MIGA1: variants seen among roughly 807,000 people sequenced by gnomAD.
MIGA1 encodes mitoguardin 1, also known as family with sequence similarity 73, member A.
MIGA1 carries 58 observed loss-of-function variants against 82.0 expected under a neutral mutation model. The ratio of observed to expected loss-of-function variants is 0.71; its 90% CI spans 0.57 to 0.88. MIGA1 has a LOEUF of 0.88. Ranked by LOEUF, MIGA1 falls within the 40% of genes least tolerant of loss-of-function variation. The pLI is 0.00. For missense variants in MIGA1, 751 were observed against 749.1 expected, an observed-to-expected ratio of 1.00 and a Z score of -0.03; for synonymous variants, 249 against 253.6, an observed-to-expected ratio of 0.98 and a Z score of 0.17.
chr1:77,870,978 C>G (rs1265997210), intron 14 of MIGA1, among the ~76,000 whole-genome samples: 3 of 150,460 alleles, frequency 2.0e-5, no homozygotes, highest in South Asian at 2.1e-4. Flanking sequence ...CGCAGGCACT[C>G]GGCAGGCTGA....
At position 77,803,299 on chromosome 1, in the gene MIGA1, T is replaced by C; in HGVS notation, c.403T>C (p.Leu135=). Reference sequence around the variant, plus strand: ...AAGTTGTTCCAGTAGCAGACAGAATTTGACATTATCTTTAAGTTCTACCAA... The same window carrying C: ...AAGTTGTTCCAGTAGCAGACAGAATCTGACATTATCTTTAAGTTCTACCAA... The change falls in exon 4 of 16, where the codon TTG becomes CTG. Residue 135 remains leucine, a synonymous_variant. Coordinates refer to ENST00000370791, the MANE Select transcript of MIGA1 (RefSeq NM_198549.4). 1 of 1,542,498 alleles carries C rather than the reference T, an allele frequency of 6.5e-7. No individual in the cohort carries two copies. Among genetic ancestry groups the C allele is most frequent in the South Asian group, 1.3e-5 (1 of 77,706 alleles).
intron 4 of MIGA1, among the ~76,000 whole-genome samples, chr1:77,806,181 C>T (rs894009689): frequency 1.3e-5 from 2 of 152,148 alleles, no homozygotes; most frequent in African/African-American, 2.4e-5. Flanking sequence ...TGCTCCTAGG[C>T]TACAAACCTG....
intron 2 of MIGA1, among the ~76,000 whole-genome samples, chr1:77,792,471 A>G (rs994579804): frequency 6.6e-6 from 1 of 152,220 alleles, no homozygotes; most frequent in African/African-American, 2.4e-5. Flanking sequence ...AGAGGGGAGC[A>G]GAGTTCAAAG....
chr1:77,787,793 C>CA lies in MIGA1; in HGVS notation c.195+4444dup, dbSNP rs997597962. The stretch of plus-strand genomic sequence containing the variant: ...GTTATATGATTTCCATATATTTCTC[C>CA]AATTCTGTGAATTACTTTTCTTTTC... On this transcript the variant is annotated intron_variant, in intron 2 of 15. Transcript: ENST00000370791. Among the ~76,000 whole-genome samples the CA allele has an allele frequency of 4.0e-5, 6 of 151,276 alleles. No homozygotes were observed. In the East Asian group the frequency reaches 1.2e-3, roughly 29 times the overall value.
intron 7 of MIGA1, among the ~76,000 whole-genome samples, chr1:77,837,395 G>A (rs1444100642): frequency 2.0e-5 from 3 of 152,076 alleles, no homozygotes; most frequent in Non-Finnish European, 4.4e-5. Flanking sequence ...GTAGTTTATA[G>A]CATAGCATCT....
At chr1:77,835,523 A>G (rs1684392997) in intron 7 of MIGA1, among the ~76,000 whole-genome samples, 2 of 152,242 alleles carry the variant, frequency 1.3e-5, no homozygotes, top group South Asian at 4.1e-4. Context: ...TGTACAATCA[A>G]CCAGTTTGGG....
Position 77,842,069 on chromosome 1 carries a change from A to C in MIGA1, c.896-1238A>C, listed in dbSNP as rs560067024. Among the ~76,000 whole-genome samples, 3 of 151,860 alleles carry C rather than the reference A, an allele frequency of 2.0e-5. No individual in the cohort carries two copies. The South Asian group carries it at 6.3e-4, about 32-fold the overall frequency. On this transcript the variant is annotated intron_variant, in intron 7 of 15. Coordinates refer to ENST00000370791, the MANE Select transcript of MIGA1 (RefSeq NM_198549.4). The stretch of plus-strand genomic sequence containing the variant: ...AAGCACGGGGATGATTACAGGCATG[A>C]GCTACCTCAGCCAGCTGGTTTCATT...
intron 3 of MIGA1, among the ~76,000 whole-genome samples, chr1:77,802,989 G>C (rs1444854384): frequency 5.9e-5 from 9 of 151,968 alleles, no homozygotes; most frequent in Non-Finnish European, 1.3e-4. Context: ...TTTTTATACT[G>C]GTTACAATAG....
Position 77,859,112 on chromosome 1 carries a change from C to T in MIGA1, c.1115+56C>T, listed in dbSNP as rs775351493. On this transcript the variant is annotated intron_variant, in intron 9 of 15. Transcript: ENST00000370791. Reference sequence around the variant, plus strand: ...AGGATATTAAGGTGTTTGTGTGGTACTTACTAAAAATGTTTATGAAAATAG... The same window carrying T: ...AGGATATTAAGGTGTTTGTGTGGTATTTACTAAAAATGTTTATGAAAATAG... 6.1e-6 allele frequency: 7 copies of T among 1,146,898 alleles called. No individual in the cohort carries two copies. The South Asian group carries it at 6.4e-5, about 10-fold the overall frequency. The allele number at this position is 1,146,898 out of a possible 1,614,324, so 71.0% of individuals were successfully genotyped here. A position where few individuals can be genotyped will look rare whatever the true frequency, so the allele number is the denominator to read the frequency against.
At chr1:77,857,324 T>G (rs74683263) in intron 8 of MIGA1, among the ~76,000 whole-genome samples, 1 of 17,058 alleles carries the variant, frequency 5.9e-5, no homozygotes, top group East Asian at 3.6e-3. Context: ...GTACTTTGGT[T>G]TTTTTTTTTT....
intron 7 of MIGA1, among the ~76,000 whole-genome samples, chr1:77,823,669 A>G (rs1203780855): frequency 1.3e-5 from 2 of 152,216 alleles, no homozygotes; most frequent in Non-Finnish European, 2.9e-5. Context: ...GGCTCAAGCA[A>G]TCCCCCTGCC....
At chr1:77,815,963 A>G (rs1445183974) in intron 7 of MIGA1, among the ~76,000 whole-genome samples, 1 of 152,068 alleles carries the variant, frequency 6.6e-6, no homozygotes, top group Non-Finnish European at 1.5e-5. Flanking sequence ...TTTTTGAGGC[A>G]GAGTTTCACT....
intron 8 of MIGA1, among the ~76,000 whole-genome samples, chr1:77,857,867 T>C (rs763736883): frequency 7.9e-5 from 12 of 152,080 alleles, no homozygotes; most frequent in Admixed American, 2.6e-4. Context: ...ATACAAAAGT[T>C]AATCAAAGCT....
rs1323621335 is a variant in MIGA1 at position 77,877,267 on chromosome 1, T to C, written c.*2203T>C. 6.6e-6 allele frequency: 1 copy of C among 152,250 alleles called. No individual in the cohort carries two copies. The highest frequency in any genetic ancestry group is 2.4e-5 in the African/African-American group (1 of 41,472). The allele number at this position is 152,250 out of a possible 1,614,324, so 9.4% of individuals were successfully genotyped here. Reference sequence around the variant, plus strand: ...TTTGTAATTTTCTGTATGTGCCACATTTATGTAAATTAACTATAAAATATG... The same window carrying C: ...TTTGTAATTTTCTGTATGTGCCACACTTATGTAAATTAACTATAAAATATG... On this transcript the variant is annotated 3_prime_UTR_variant, in exon 16 of 16. Coordinates refer to ENST00000370791, the MANE Select transcript of MIGA1 (RefSeq NM_198549.4).
chr1:77,832,553 T>A (rs1178519746), intron 7 of MIGA1, among the ~76,000 whole-genome samples: 1 of 151,956 alleles, frequency 6.6e-6, no homozygotes, highest in Admixed American at 6.6e-5. Context: ...ACAGGAGGAG[T>A]GACACTTAAA....
At chr1:77,806,158 T>C (rs1460578513) in intron 4 of MIGA1, among the ~76,000 whole-genome samples, 1 of 152,234 alleles carries the variant, frequency 6.6e-6, no homozygotes, top group Non-Finnish European at 1.5e-5. Context: ...GTAGGCTATA[T>C]GTTGTAACTT....
chr1:77,814,219 T>C (rs560169794), intron 6 of MIGA1, among the ~76,000 whole-genome samples: 1 of 152,306 alleles, frequency 6.6e-6, no homozygotes, highest in South Asian at 2.1e-4. Context: ...ATTCAGTGTA[T>C]TTGCTTTATG....
chr1:77,821,777 G>T (rs1683821105), intron 7 of MIGA1, among the ~76,000 whole-genome samples: 1 of 152,108 alleles, frequency 6.6e-6, no homozygotes, highest in African/African-American at 2.4e-5. Flanking sequence ...GGTTAGTTTT[G>T]TATAGTTGGT....
At chr1:77,869,099 G>T (rs1445748430) in intron 14 of MIGA1, among the ~76,000 whole-genome samples, 2 of 151,412 alleles carry the variant, frequency 1.3e-5, no homozygotes, top group South Asian at 2.1e-4. Flanking sequence ...GCCTTCCGCA[G>T]TGTTTGTGTC....
Sources: gnomAD v4.1 joint callset for allele counts (sites outside exome capture counted in the v4.1 genomes callset) on GRCh38, gnomAD v4.1.1 for gene constraint, MANE v1.5 for transcripts, NCBI Gene and HGNC (gene_info 2026-07-23, HGNC 2026-07-21) for gene names.